The following MGAT5 variants were observed in gnomAD, a reference collection of about 807,000 sequenced individuals.
MGAT5 encodes alpha-1,6-mannosylglycoprotein 6-beta-N-acetylglucosaminyltransferase.
MGAT5 carries 30 observed loss-of-function variants against 94.3 expected under a neutral mutation model. The ratio of observed to expected loss-of-function variants is 0.32; its 90% CI spans 0.24 to 0.43. The LOEUF (loss-of-function observed/expected upper bound fraction) is 0.43. MGAT5 is among the 20% of genes least tolerant of loss of function. The probability of loss-of-function intolerance (pLI) is 1.00; values close to 1 mark genes in which losing one functional copy is unlikely to be tolerated. For missense variants in MGAT5, 691 were observed against 905.5 expected (o/e 0.76, Z 3.04); for synonymous variants, 310 against 322.9 (o/e 0.96, Z 0.43).
intron 1 of MGAT5, among the ~76,000 whole-genome samples, chr2:134,135,546 G>A (rs1409406581): frequency 1.3e-5 from 2 of 151,808 alleles, no homozygotes; most frequent in Non-Finnish European, 2.9e-5. Context: ...ACAAAAATTA[G>A]CTGGGCATAG....
intron 10 of MGAT5, among the ~76,000 whole-genome samples, chr2:134,389,022 A>G (rs1370505557): frequency 1.3e-5 from 2 of 152,020 alleles, no homozygotes; most frequent in South Asian, 2.1e-4. Context: ...CGGCCTCCCA[A>G]AGTGCTGGGA....
intron 1 of MGAT5, among the ~76,000 whole-genome samples, chr2:134,135,609 T>C (rs959314578): frequency 6.7e-6 from 1 of 148,162 alleles, no homozygotes; most frequent in African/African-American, 2.5e-5. Context: ...GGAGAATTGC[T>C]TGAACCCGGG....
intron 10 of MGAT5, among the ~76,000 whole-genome samples, chr2:134,364,080 A>G (rs914326647): frequency 1.1e-4 from 16 of 152,206 alleles, no homozygotes; most frequent in African/African-American, 3.9e-4. Context: ...ACCACCTCCT[A>G]GCACTCTCTG....
intron 3 of MGAT5, 79 bp from the exon 4 acceptor site, chr2:134,318,571 C>T: frequency 1.9e-6 from 2 of 1,046,356 alleles, no homozygotes; most frequent in East Asian, 2.4e-5. Flanking sequence ...CCATCTTCAC[C>T]ATTCTATCCT....
intron 6 of MGAT5, among the ~76,000 whole-genome samples, chr2:134,341,199 T>C (rs1298275394): frequency 6.6e-6 from 1 of 152,166 alleles, no homozygotes; most frequent in African/African-American, 2.4e-5. Context: ...ATTGTCATGT[T>C]TGCCTTTCCA....
intron 1 of MGAT5, among the ~76,000 whole-genome samples, chr2:134,171,965 A>G (rs1298252643): frequency 6.6e-6 from 1 of 152,182 alleles, no homozygotes; most frequent in Non-Finnish European, 1.5e-5. Flanking sequence ...TCTTGGTACC[A>G]CCCATAATCC....
At chr2:134,292,454 A>G (rs928083919) in intron 2 of MGAT5, among the ~76,000 whole-genome samples, 2 of 152,164 alleles carry the variant, frequency 1.3e-5, no homozygotes, top group African/African-American at 2.4e-5. Context: ...GACAGGGTGC[A>G]TTGGGTAAAA....
chr2:134,302,315 A>G (rs529763603), intron 2 of MGAT5, among the ~76,000 whole-genome samples: 1 of 152,298 alleles, frequency 6.6e-6, no homozygotes, highest in Admixed American at 6.5e-5. Context: ...TTCATGTTTA[A>G]TGCATATTGA....
chr2:134,177,935 C>T (rs149909356), intron 1 of MGAT5, among the ~76,000 whole-genome samples: 7 of 152,178 alleles, frequency 4.6e-5, no homozygotes, highest in East Asian at 1.9e-4. Flanking sequence ...ATAGGTGTAT[C>T]GGTGTGAGGC....
At chr2:134,409,716 G>T (rs543792973) in intron 11 of MGAT5, among the ~76,000 whole-genome samples, 33 of 152,286 alleles carry the variant, frequency 2.2e-4, no homozygotes, top group African/African-American at 7.9e-4. Context: ...CTTTATCCAT[G>T]TTTAAAGATT....
At chr2:134,135,181 G>T (rs1354139516) in intron 1 of MGAT5, among the ~76,000 whole-genome samples, 1 of 152,056 alleles carries the variant, frequency 6.6e-6, no homozygotes, top group Non-Finnish European at 1.5e-5. Context: ...TCAATCTTAG[G>T]ACATTAAATG....
intron 2 of MGAT5, among the ~76,000 whole-genome samples, chr2:134,272,990 C>T (rs544117180): frequency 4.9e-4 from 75 of 151,988 alleles, no homozygotes; most frequent in African/African-American, 1.6e-3. Flanking sequence ...AAAGCTGGCC[C>T]GTGTATGTGT....
intron 2 of MGAT5, among the ~76,000 whole-genome samples, chr2:134,309,172 C>A (rs756470917): frequency 3.9e-5 from 6 of 152,170 alleles, no homozygotes; most frequent in Non-Finnish European, 5.9e-5. Context: ...CTTTTAATGG[C>A]TGAATAATAT....
chr2:134,369,261 A>G (rs1252836918), intron 10 of MGAT5, among the ~76,000 whole-genome samples: 1 of 152,206 alleles, frequency 6.6e-6, no homozygotes, highest in Non-Finnish European at 1.5e-5. Context: ...TGCTGACCCC[A>G]GGGAGACCAG....
At chr2:134,132,965 C>A (rs906677800) in intron 1 of MGAT5, among the ~76,000 whole-genome samples, 46 of 152,306 alleles carry the variant, frequency 3.0e-4, no homozygotes, top group Admixed American at 1.5e-3. Context: ...TTATGCCCCC[C>A]CTTCTTAATT....
chr2:134,441,242 C>T (rs1001782419), intron 14 of MGAT5, among the ~76,000 whole-genome samples: 3 of 152,108 alleles, frequency 2.0e-5, no homozygotes, highest in Admixed American at 6.5e-5. Context: ...CACCTCACAG[C>T]GTCAGAACCT....
rs5834408 is a variant in MGAT5, at chr2:134,364,500, C to CAA, written c.1380+2101_1380+2102dup. ...GGGCAACAAGAGTGAAACTCTGTCT[C>CAA]AAAAAAAAAAGGAATCCCAAAACCA... On this transcript the variant is annotated intron_variant, in intron 10 of 15. Transcript: ENST00000281923. 3.4e-4 allele frequency among the ~76,000 whole-genome samples: 50 copies of CAA among 148,968 alleles called. 1 individual carries two copies. Among genetic ancestry groups the CAA allele is most frequent in the Middle Eastern group, 3.4e-3 (1 of 292 alleles).
At chr2:134,391,827 A>C (rs1464970194) in intron 10 of MGAT5, among the ~76,000 whole-genome samples, 1 of 152,194 alleles carries the variant, frequency 6.6e-6, no homozygotes. Flanking sequence ...GAGTCACTTA[A>C]CCACATTATC....
At chr2:134,363,820 C>T (rs774118999) in intron 10 of MGAT5, among the ~76,000 whole-genome samples, 3 of 152,180 alleles carry the variant, frequency 2.0e-5, no homozygotes, top group Non-Finnish European at 4.4e-5. Flanking sequence ...GTGTTGCTTT[C>T]CTTGTATAAA....
Sources: allele counts gnomAD v4.1 joint callset (sites outside exome capture counted in the v4.1 genomes callset), GRCh38; gene constraint gnomAD v4.1.1; transcripts MANE v1.5; gene names NCBI Gene and HGNC (gene_info 2026-07-23, HGNC 2026-07-21).